Variants in ITGAM observed in about 807,000 individuals in gnomAD.
ITGAM encodes the protein integrin alpha-M.
ITGAM carries 79 observed loss-of-function variants against 137.5 expected under a neutral mutation model. That is an observed-to-expected ratio of 0.57 (90% CI 0.48 to 0.69). ITGAM has a LOEUF of 0.69. Ranked by LOEUF, ITGAM falls within the 30% of genes least tolerant of loss-of-function variation. The pLI, the probability that ITGAM is intolerant of heterozygous loss-of-function variation, is 0.00. For missense variants in ITGAM, 1,343 were observed against 1,483.5 expected (o/e 0.91, Z 1.56); for synonymous variants, 583 against 592.3 (o/e 0.98, Z 0.23).
intron 12 of ITGAM, among the ~76,000 whole-genome samples, chr16:31,278,531 C>T (rs953610242): frequency 1.3e-5 from 2 of 152,180 alleles, no homozygotes; most frequent in African/African-American, 2.4e-5. Flanking sequence ...ACTTCACACA[C>T]CCTCTAGGAT....
In ITGAM at chr16:31,273,346, C is replaced by T. The variant is rs2079872198; in HGVS notation, c.705-19C>T. The T allele has an allele frequency of 6.3e-7, 1 of 1,595,570 alleles. No individual in the cohort carries two copies. Among genetic ancestry groups the T allele is most frequent in the Non-Finnish European group, 8.5e-7 (1 of 1,171,540 alleles). ...TCATCTACTTGCATTTGACTTTGTC[C>T]CTCCTGTTTCCTGCACAGACGAGAG... On this transcript the variant is annotated intron_variant, in intron 7 of 29. Coordinates refer to ENST00000544665, the MANE Select transcript of ITGAM (RefSeq NM_000632.4).
intron 14 of ITGAM, among the ~76,000 whole-genome samples, chr16:31,311,116 C>T (rs146166587): frequency 5.8e-4 from 88 of 152,158 alleles, no homozygotes; most frequent in Non-Finnish European, 1.1e-3. Flanking sequence ...TTCCTTACAC[C>T]GTATACAAAA....
intron 19 of ITGAM, 64 bp from the exon 20 acceptor site, chr16:31,325,199 G>A (rs2080494554): frequency 1.3e-6 from 2 of 1,556,672 alleles, no homozygotes; most frequent in Non-Finnish European, 8.7e-7. Flanking sequence ...CTGTTCTGCT[G>A]GAGCAGGCTT....
Position 31,331,996 on chromosome 16 carries a change from A to T in ITGAM, c.*289A>T, listed in dbSNP as rs2080594216. The T allele has an allele frequency of 6.4e-6, 3 of 467,588 alleles. No individual in the cohort carries two copies. Among genetic ancestry groups the T allele is most frequent in the South Asian group, 5.7e-5 (2 of 35,240 alleles). The allele number at this position is 467,588 out of a possible 1,614,324, so 29.0% of individuals were successfully genotyped here. On this transcript the variant is annotated 3_prime_UTR_variant, in exon 30 of 30. Coordinates refer to ENST00000544665, the MANE Select transcript of ITGAM (RefSeq NM_000632.4). Reference sequence around the variant, plus strand: ...GTGTGCGTGTGTCCATGTGTGTGCAAGTGTGTGCATGTGTGCGAGTGTGTG... The same window carrying T: ...GTGTGCGTGTGTCCATGTGTGTGCATGTGTGTGCATGTGTGCGAGTGTGTG...
At chr16:31,315,521 G>A (rs766058606) in intron 14 of ITGAM, among the ~76,000 whole-genome samples, 106 of 151,842 alleles carry the variant, frequency 7.0e-4, no homozygotes, top group Middle Eastern at 3.4e-3. Context: ...GCAGTGGCAC[G>A]ATCTCAGCTC....
intron 14 of ITGAM, among the ~76,000 whole-genome samples, chr16:31,313,842 C>T (rs1200662416): frequency 1.3e-5 from 2 of 152,206 alleles, no homozygotes; most frequent in African/African-American, 4.8e-5. Flanking sequence ...TACACTCCCA[C>T]TAACAGTGTA....
chr16:31,274,755 C>T (rs1046113233), intron 8 of ITGAM, among the ~76,000 whole-genome samples: 8 of 152,058 alleles, frequency 5.3e-5, no homozygotes, highest in Non-Finnish European at 1.0e-4. Flanking sequence ...GCTGGGACTA[C>T]AGGCATGCAC....
At chr16:31,293,289 T>A (rs1029631569) in intron 12 of ITGAM, among the ~76,000 whole-genome samples, 20 of 152,192 alleles carry the variant, frequency 1.3e-4, no homozygotes, top group Non-Finnish European at 2.2e-4. Flanking sequence ...TTGAGATTGC[T>A]TTTTGTGTCT....
At chr16:31,308,440 G>C (rs774274592) in intron 14 of ITGAM, among the ~76,000 whole-genome samples, 102 of 152,148 alleles carry the variant, frequency 6.7e-4, no homozygotes, top group Non-Finnish European at 1.2e-3. Context: ...TTTGCGTAGA[G>C]GTGTTTGTAG....
At chr16:31,284,279 C>A (rs189532575) in intron 12 of ITGAM, among the ~76,000 whole-genome samples, 1 of 152,208 alleles carries the variant, frequency 6.6e-6, no homozygotes, top group African/African-American at 2.4e-5. Flanking sequence ...TTTAAGTCTG[C>A]AGAAGTTTCT....
Position 31,331,899 on chromosome 16 carries a change from G to A in ITGAM, c.*192G>A. On this transcript the variant is annotated 3_prime_UTR_variant, in exon 30 of 30. Coordinates refer to ENST00000544665, the MANE Select transcript of ITGAM (RefSeq NM_000632.4). Reference sequence around the variant, plus strand: ...TCTGTGTGCAAGTGTGTGCACATGTGTGCGTGTGCGTGCATGTGCACTTGC... The same window carrying A: ...TCTGTGTGCAAGTGTGTGCACATGTATGCGTGTGCGTGCATGTGCACTTGC... 1 of 572,384 alleles carries A rather than the reference G, an allele frequency of 1.7e-6. No homozygotes were observed. The highest frequency in any genetic ancestry group is 3.1e-5 in the East Asian group (1 of 32,642). The allele number at this position is 572,384 out of a possible 1,614,324, so 35.5% of individuals were successfully genotyped here. A position where few individuals can be genotyped will look rare whatever the true frequency, so the allele number is the denominator to read the frequency against.
chr16:31,285,795 T>C (rs988572574), intron 12 of ITGAM, among the ~76,000 whole-genome samples: 1 of 151,816 alleles, frequency 6.6e-6, no homozygotes, highest in African/African-American at 2.4e-5. Flanking sequence ...TCTTTTCTTT[T>C]CTCTCTCTTT....
chr16:31,319,619 A>G (rs2080427092), intron 14 of ITGAM, among the ~76,000 whole-genome samples: 1 of 151,714 alleles, frequency 6.6e-6, no homozygotes, highest in South Asian at 2.1e-4. Flanking sequence ...TAATTCTGCC[A>G]CTCTGTTTTG....
At chr16:31,330,045 C>A in intron 25 of ITGAM, 36 bp from the exon 26 acceptor site, 1 of 1,603,278 alleles carries the variant, frequency 6.2e-7, no homozygotes, top group Non-Finnish European at 8.5e-7. Flanking sequence ...CTGGCGCCTT[C>A]ATCTCTGCCC....
chr16:31,321,679 G>A, intron 16 of ITGAM, 52 bp downstream of exon 16: 1 of 1,571,048 alleles, frequency 6.4e-7, no homozygotes. Context: ...GGACATGAAT[G>A]GGTGCTGCAA....
chr16:31,309,938 C>G (rs1286005945), intron 14 of ITGAM, among the ~76,000 whole-genome samples: 3 of 152,002 alleles, frequency 2.0e-5, no homozygotes, highest in Admixed American at 6.5e-5. Context: ...ATATGAAATT[C>G]TGGGTTGAAA....
chr16:31,269,923 G>A (rs1339562625), intron 5 of ITGAM, among the ~76,000 whole-genome samples: 1 of 152,180 alleles, frequency 6.6e-6, no homozygotes, highest in Admixed American at 6.6e-5. Flanking sequence ...AATCCAGAGG[G>A]CAACAGAGTC....
chr16:31,279,797 T>A (rs2079948157), intron 12 of ITGAM, among the ~76,000 whole-genome samples: 2 of 152,188 alleles, frequency 1.3e-5, no homozygotes, highest in Non-Finnish European at 2.9e-5. Context: ...GGTGTTTTAG[T>A]CATGAAGTCC....
intron 12 of ITGAM, among the ~76,000 whole-genome samples, chr16:31,279,986 A>G (rs1394055557): frequency 6.7e-6 from 1 of 149,338 alleles, no homozygotes; most frequent in East Asian, 1.9e-4. Context: ...CACCATTATT[A>G]AATAGGGAAT....
Sources: allele counts gnomAD v4.1 joint callset (sites outside exome capture counted in the v4.1 genomes callset), GRCh38; gene constraint gnomAD v4.1.1; transcripts MANE v1.5; gene names NCBI Gene and HGNC (gene_info 2026-07-23, HGNC 2026-07-21).